Variants in PDE8B observed in about 807,000 individuals in gnomAD.
The protein encoded by PDE8B is high affinity cAMP-specific and IBMX-insensitive 3',5'-cyclic phosphodiesterase 8B.
A neutral mutation model predicts 101.3 loss-of-function variants in PDE8B; 26 were observed. That is an observed-to-expected ratio of 0.26 (90% CI 0.19 to 0.36). The LOEUF is 0.36. Among genes scored for constraint, PDE8B ranks in the 10% least tolerant of loss-of-function variants. The pLI is 1.00. For missense variants in PDE8B, 810 were observed against 1,163.1 expected, an observed-to-expected ratio of 0.70 and a Z score of 4.42; for synonymous variants, 424 against 429.3, an observed-to-expected ratio of 0.99 and a Z score of 0.15.
rs1391783255 is a variant in PDE8B at position 77,428,066 on chromosome 5, T to C, written c.*1512T>C. The C allele has an allele frequency of 6.6e-6, 1 of 152,200 alleles. No homozygotes were observed. The highest frequency in any genetic ancestry group is 1.5e-5 in the Non-Finnish European group (1 of 68,032). The allele number at this position is 152,200 out of a possible 1,614,324, so 9.4% of individuals were successfully genotyped here. Reference sequence around the variant, plus strand: ...TCCATGCAAAGAAATGTATCTAAATTATTTTTGTTAGATGATAAGAGAACT... The same window carrying C: ...TCCATGCAAAGAAATGTATCTAAATCATTTTTGTTAGATGATAAGAGAACT... On this transcript the variant is annotated 3_prime_UTR_variant, in exon 22 of 22. Coordinates refer to ENST00000264917, the MANE Select transcript of PDE8B (RefSeq NM_003719.5).
chr5:77,406,365 G>A (rs565514280), intron 12 of PDE8B, among the ~76,000 whole-genome samples: 34 of 152,322 alleles, frequency 2.2e-4, no homozygotes, highest in Admixed American at 1.7e-3. Flanking sequence ...AATTCACAGG[G>A]CATGTGAGGG....
chr5:77,377,613 A>G (rs957931190), intron 10 of PDE8B, among the ~76,000 whole-genome samples: 1 of 152,242 alleles, frequency 6.6e-6, no homozygotes, highest in African/African-American at 2.4e-5. Flanking sequence ...TCTATGCATC[A>G]GATCCTTTAA....
At chr5:77,245,226 C>T (rs1756610845) in intron 1 of PDE8B, among the ~76,000 whole-genome samples, 1 of 152,164 alleles carries the variant, frequency 6.6e-6, no homozygotes, top group Non-Finnish European at 1.5e-5. Flanking sequence ...GAATAAAATA[C>T]TCTCCTACTC....
chr5:77,311,948 G>T, intron 1 of PDE8B, 46 bp from the exon 2 acceptor site: 1 of 1,445,666 alleles, frequency 6.9e-7, no homozygotes, highest in South Asian at 1.1e-5. Flanking sequence ...GTATCCATTT[G>T]TGTAGTTTAA....
intron 11 of PDE8B, among the ~76,000 whole-genome samples, chr5:77,404,109 T>C (rs1792896285): frequency 1.3e-5 from 2 of 152,206 alleles, no homozygotes; most frequent in African/African-American, 4.8e-5. Flanking sequence ...TGCCTCAGCC[T>C]CCTGGGTAGC....
chr5:77,312,648 A>G (rs1365042499), intron 2 of PDE8B, among the ~76,000 whole-genome samples: 1 of 152,180 alleles, frequency 6.6e-6, no homozygotes, highest in African/African-American at 2.4e-5. Flanking sequence ...CCTTGCATAT[A>G]TTGCTTCACT....
intron 5 of PDE8B, among the ~76,000 whole-genome samples, chr5:77,334,023 C>G (rs1198592610): frequency 4.6e-5 from 7 of 152,238 alleles, no homozygotes; most frequent in Admixed American, 4.6e-4. Context: ...GCACCTACAA[C>G]AGCTCTCCTG....
chr5:77,277,375 A>G (rs774756327), intron 1 of PDE8B, among the ~76,000 whole-genome samples: 5 of 152,202 alleles, frequency 3.3e-5, no homozygotes, highest in Non-Finnish European at 5.9e-5. Context: ...CATCTTCCAC[A>G]TAGGAAACTC....
the PDE8B span, among the ~76,000 whole-genome samples, chr5:77,152,834 G>T: frequency 6.6e-6 from 1 of 151,776 alleles, no homozygotes; most frequent in Non-Finnish European, 1.5e-5. Flanking sequence ...CTGAGTCTTA[G>T]CATTGAGGAT....
intron 1 of PDE8B, among the ~76,000 whole-genome samples, chr5:77,298,538 A>G (rs549830629): frequency 2.0e-5 from 3 of 152,234 alleles, no homozygotes; most frequent in Non-Finnish European, 4.4e-5. Flanking sequence ...TGCAGATTTC[A>G]GTGCAACTGA....
At chr5:77,127,006 A>G in the PDE8B span, among the ~76,000 whole-genome samples, 1 of 152,156 alleles carries the variant, frequency 6.6e-6, no homozygotes, top group South Asian at 2.1e-4. Context: ...TATCCTTGCC[A>G]GGACACTGAG....
At chr5:77,305,250 G>A (rs973265691) in intron 1 of PDE8B, among the ~76,000 whole-genome samples, 8 of 152,204 alleles carry the variant, frequency 5.3e-5, no homozygotes, top group South Asian at 2.1e-4. Flanking sequence ...AGTTCCCCAG[G>A]TACTTCTAAT....
At chr5:77,359,431 G>A (rs546436303) in intron 10 of PDE8B, among the ~76,000 whole-genome samples, 2 of 152,370 alleles carry the variant, frequency 1.3e-5, no homozygotes, top group African/African-American at 4.8e-5. Context: ...TGCCCTGGCA[G>A]AGAAGCTTAC....
At chr5:77,156,658 A>G in the PDE8B span, among the ~76,000 whole-genome samples, 1 of 152,214 alleles carries the variant, frequency 6.6e-6, no homozygotes, top group African/African-American at 2.4e-5. Context: ...AATCAGTGTT[A>G]TCAAGAAAAC....
At chr5:77,144,626 A>T in the PDE8B span, 1 of 152,068 alleles carries the variant, frequency 6.6e-6, no homozygotes, top group African/African-American at 2.4e-5. Flanking sequence ...CTCACCAAGC[A>T]AATGAAACTT....
At chr5:77,403,072 G>A (rs139609085) in intron 11 of PDE8B, among the ~76,000 whole-genome samples, 29 of 152,168 alleles carry the variant, frequency 1.9e-4, no homozygotes, top group Admixed American at 1.8e-3. Context: ...TTCTCTACTC[G>A]CTTATGAGTT....
intron 18 of PDE8B, among the ~76,000 whole-genome samples, chr5:77,419,525 C>T (rs1235264620): frequency 6.6e-6 from 1 of 152,114 alleles, no homozygotes; most frequent in East Asian, 1.9e-4. Flanking sequence ...GTGACAGGTA[C>T]CTTCTCTCTT....
Position 77,404,724 on chromosome 5 carries a change from T to A in PDE8B, c.1215T>A (p.Pro405=). The A allele has an allele frequency of 6.3e-7, 1 of 1,580,128 alleles. No individual in the cohort carries two copies. Among genetic ancestry groups the A allele is most frequent in the Non-Finnish European group, 8.7e-7 (1 of 1,149,126 alleles). ...RDSGDNSQTE[P]HSFRYKNRRK... ...TTTCTAATCTGAAATCCTTAGAGCC[T>A]CATTCATTCAGATATAAGAACAGGA... Residue 405 remains proline (P), a synonymous_variant, in exon 12 of 22, where the codon CCT becomes CCA. Coordinates refer to ENST00000264917, the MANE Select transcript of PDE8B (RefSeq NM_003719.5).
At chr5:77,260,829 A>G (rs1308554152) in intron 1 of PDE8B, among the ~76,000 whole-genome samples, 1 of 152,064 alleles carries the variant, frequency 6.6e-6, no homozygotes, top group Admixed American at 6.6e-5. Context: ...CCTAGCCTCA[A>G]GTGATCCACC....
Sources: allele counts gnomAD v4.1 joint callset (sites outside exome capture counted in the v4.1 genomes callset), GRCh38; gene constraint gnomAD v4.1.1; transcripts MANE v1.5; gene names NCBI Gene and HGNC (gene_info 2026-07-23, HGNC 2026-07-21).